The following CNTNAP5 variants were observed in gnomAD, a reference collection of about 807,000 sequenced individuals.
The protein encoded by CNTNAP5 is contactin associated protein family member 5.
CNTNAP5 carries 72 observed loss-of-function variants against 150.2 expected under a neutral mutation model. That is an observed-to-expected ratio of 0.48 (90% CI 0.40 to 0.58). CNTNAP5 has a LOEUF of 0.58. Ranked by LOEUF, CNTNAP5 falls within the 20% of genes least tolerant of loss-of-function variation. The pLI is 0.00. For synonymous variants in CNTNAP5, 672 were observed against 619.8 expected, an observed-to-expected ratio of 1.08 and a Z score of -1.25; for missense variants, 1,636 against 1,626.2, an observed-to-expected ratio of 1.01 and a Z score of -0.10.
At chr2:124,264,405 C>T (rs1483864992) in intron 3 of CNTNAP5, among the ~76,000 whole-genome samples, 19 of 150,972 alleles carry the variant, frequency 1.3e-4, no homozygotes, top group Admixed American at 4.0e-4. Flanking sequence ...CACACACACA[C>T]ACACACACAC....
chr2:124,825,322 CAA>C (rs150447983), intron 19 of CNTNAP5, among the ~76,000 whole-genome samples: 1,917 of 152,242 alleles, frequency 0.013, 44 homozygotes, highest in African/African-American at 0.043. Context: ...TTATCATCTC[CAA>C]TGAATACTTG....
chr2:124,229,548 C>T (rs929269318), intron 2 of CNTNAP5, among the ~76,000 whole-genome samples: 5 of 152,120 alleles, frequency 3.3e-5, no homozygotes, highest in Admixed American at 1.3e-4. Flanking sequence ...AAAAAACAAA[C>T]ACAACAAAAT....
chr2:124,834,369 T>C (rs1682784563), intron 19 of CNTNAP5, among the ~76,000 whole-genome samples: 1 of 112,106 alleles, frequency 8.9e-6, no homozygotes, highest in Non-Finnish European at 1.8e-5. Context: ...GATTCTGTTA[T>C]TTCATCTTAC....
intron 3 of CNTNAP5, among the ~76,000 whole-genome samples, chr2:124,304,018 G>A (rs371471635): frequency 2.6e-5 from 4 of 152,228 alleles, no homozygotes; most frequent in African/African-American, 9.6e-5. Context: ...GCAACAGAGT[G>A]AGACCCTGTC....
chr2:124,503,902 G>A (rs138898338), intron 7 of CNTNAP5, among the ~76,000 whole-genome samples: 150 of 152,164 alleles, frequency 9.9e-4, no homozygotes, highest in Admixed American at 3.8e-3. Context: ...TCTCCTGTCC[G>A]GCTCCCGCTG....
At chr2:124,437,020 C>T (rs1420852121) in intron 5 of CNTNAP5, among the ~76,000 whole-genome samples, 1 of 152,154 alleles carries the variant, frequency 6.6e-6, no homozygotes, top group Non-Finnish European at 1.5e-5. Context: ...TACCTCATTA[C>T]AGCTAGAAGA....
At chr2:124,471,063 T>C (rs1693502511) in intron 6 of CNTNAP5, among the ~76,000 whole-genome samples, 1 of 152,194 alleles carries the variant, frequency 6.6e-6, no homozygotes. Flanking sequence ...AACTCTTTTT[T>C]CGTTTCATAT....
intron 21 of CNTNAP5, 86 bp downstream of exon 21, chr2:124,869,848 G>C: frequency 1.3e-6 from 1 of 775,798 alleles, no homozygotes; most frequent in East Asian, 2.7e-5. Context: ...TAAGGATTCA[G>C]GTCTGGAGCC....
chr2:124,506,054 G>C (rs1694399170), intron 8 of CNTNAP5, among the ~76,000 whole-genome samples: 1 of 152,180 alleles, frequency 6.6e-6, no homozygotes, highest in African/African-American at 2.4e-5. Flanking sequence ...CTAAAAGGAA[G>C]AAGCCAAGGC....
chr2:124,534,670 G>A (rs1695188107), intron 10 of CNTNAP5, among the ~76,000 whole-genome samples: 1 of 152,108 alleles, frequency 6.6e-6, no homozygotes, highest in East Asian at 1.9e-4. Flanking sequence ...GTCAGGACAT[G>A]GAGACCATCT....
chr2:124,534,977 G>A (rs1465475630), intron 10 of CNTNAP5, among the ~76,000 whole-genome samples: 2 of 152,172 alleles, frequency 1.3e-5, no homozygotes, highest in East Asian at 3.9e-4. Context: ...TGGTTCAAAA[G>A]CCTCTGACAG....
chr2:124,886,271 T>C (rs1030116617), intron 21 of CNTNAP5, among the ~76,000 whole-genome samples: 1 of 152,054 alleles, frequency 6.6e-6, no homozygotes, highest in African/African-American at 2.4e-5. Context: ...TATTCTCTAA[T>C]ATGTGGTTCA....
chr2:124,462,886 C>A (rs1693285926), intron 6 of CNTNAP5, among the ~76,000 whole-genome samples: 1 of 152,234 alleles, frequency 6.6e-6, no homozygotes, highest in Admixed American at 6.5e-5. Context: ...GTTCTGCCCA[C>A]ACTGCAAACA....
intron 13 of CNTNAP5, among the ~76,000 whole-genome samples, chr2:124,674,507 TTCTC>T (rs56758296): frequency 0.013 from 867 of 65,610 alleles, 9 homozygotes; most frequent in Middle Eastern, 0.051. Context: ...CTTTCTTTCT[TTCTC>T]TTTCTTTCTT....
intron 19 of CNTNAP5, among the ~76,000 whole-genome samples, chr2:124,821,472 A>T (rs979335399): frequency 4.6e-5 from 7 of 152,304 alleles, no homozygotes; most frequent in Admixed American, 2.0e-4. Context: ...AGGGCTTTTT[A>T]AAAAAGTTTT....
chr2:124,533,210 A>G (rs1317014066), intron 10 of CNTNAP5, among the ~76,000 whole-genome samples: 1 of 152,168 alleles, frequency 6.6e-6, no homozygotes, highest in Non-Finnish European at 1.5e-5. Flanking sequence ...GAGCCTAGAG[A>G]GTAAAATTTA....
chr2:124,538,628 T>A (rs1177769540), intron 10 of CNTNAP5, among the ~76,000 whole-genome samples: 310 of 82,834 alleles, frequency 3.7e-3, no homozygotes, highest in African/African-American at 4.5e-3. Context: ...AAAGGAAAAA[T>A]GAAAGAATAA....
At chr2:124,067,908 A>C in intron 1 of CNTNAP5, among the ~76,000 whole-genome samples, 1 of 152,160 alleles carries the variant, frequency 6.6e-6, no homozygotes, top group South Asian at 2.1e-4. Context: ...ACAGTATTAC[A>C]TTTACTTTTA....
At chr2:124,152,450 C>T (rs1465752300) in intron 1 of CNTNAP5, among the ~76,000 whole-genome samples, 1 of 152,208 alleles carries the variant, frequency 6.6e-6, no homozygotes, top group African/African-American at 2.4e-5. Flanking sequence ...CGTGGCAGAG[C>T]TGGAGTCGCA....
Sources: allele counts gnomAD v4.1 joint callset (sites outside exome capture counted in the v4.1 genomes callset), GRCh38; gene constraint gnomAD v4.1.1; transcripts MANE v1.5; gene names NCBI Gene and HGNC (gene_info 2026-07-23, HGNC 2026-07-21).